The following NR2F1-AS1 variants were observed in gnomAD, a reference collection of about 807,000 sequenced individuals.
NR2F1-AS1 encodes NR2F1 antisense RNA 1.
chr5:93,440,058 T>C (rs1400005086), intron 4 of NR2F1-AS1, among the ~76,000 whole-genome samples: 1 of 152,162 alleles, frequency 6.6e-6, no homozygotes, highest in Non-Finnish European at 1.5e-5. Context: ...AGATAAGTCT[T>C]TGGAAAGTAA....
intron 4 of NR2F1-AS1, among the ~76,000 whole-genome samples, chr5:93,453,319 T>A (rs906856105): frequency 6.6e-5 from 10 of 151,934 alleles, no homozygotes; most frequent in African/African-American, 2.4e-4. Context: ...TGTACGACCA[T>A]ATCATGCAGA....
chr5:93,568,649 C>T (rs1752669296), intron 1 of NR2F1-AS1, among the ~76,000 whole-genome samples: 1 of 152,124 alleles, frequency 6.6e-6, no homozygotes, highest in African/African-American at 2.4e-5. Context: ...ATGCTAACTA[C>T]TCAATTTTTG....
At chr5:93,526,541 CA>C (rs913684315) in intron 4 of NR2F1-AS1, among the ~76,000 whole-genome samples, 1 of 151,930 alleles carries the variant, frequency 6.6e-6, no homozygotes, top group African/African-American at 2.4e-5. Context: ...AGACATAACA[CA>C]AAAAGGAAAA....
At chr5:93,581,934 GTC>G (rs1165830435), upstream of NR2F1-AS1, among the ~76,000 whole-genome samples, 1 of 63,918 alleles carries the variant, frequency 1.6e-5, no homozygotes. Context: ...CTCTCTCTGG[GTC>G]TCTCTCTCTC....
chr5:93,501,190 CT>C (rs1300862683), intron 4 of NR2F1-AS1, among the ~76,000 whole-genome samples: 1 of 151,910 alleles, frequency 6.6e-6, no homozygotes, highest in Admixed American at 6.6e-5. Context: ...AGCAAAAGAA[CT>C]ATAATTAGAA....
chr5:93,454,426 T>A (rs1749902837), intron 4 of NR2F1-AS1, among the ~76,000 whole-genome samples: 1 of 152,206 alleles, frequency 6.6e-6, no homozygotes, highest in Admixed American at 6.5e-5. Context: ...ATATATTTAG[T>A]CTCTGCCCTC....
chr5:93,450,175 A>G (rs556825206), intron 4 of NR2F1-AS1, among the ~76,000 whole-genome samples: 1 of 152,322 alleles, frequency 6.6e-6, no homozygotes, highest in South Asian at 2.1e-4. Flanking sequence ...TGAATGTTTT[A>G]ATATCTGAAT....
chr5:93,574,106 G>A (rs1225977095), intron 1 of NR2F1-AS1, among the ~76,000 whole-genome samples: 1 of 152,222 alleles, frequency 6.6e-6, no homozygotes, highest in African/African-American at 2.4e-5. Context: ...GCTGGTTTGA[G>A]TTTAATTTAT....
At chr5:93,577,494 A>C (rs953594148) in intron 1 of NR2F1-AS1, among the ~76,000 whole-genome samples, 3 of 152,128 alleles carry the variant, frequency 2.0e-5, no homozygotes, top group African/African-American at 7.2e-5. Flanking sequence ...AGGCAGCCAC[A>C]ATATAGGCTG....
chr5:93,507,904 A>G (rs1751220040), intron 4 of NR2F1-AS1, among the ~76,000 whole-genome samples: 1 of 152,162 alleles, frequency 6.6e-6, no homozygotes, highest in Non-Finnish European at 1.5e-5. Flanking sequence ...TACCTAGAAT[A>G]TATCTAACAA....
intron 4 of NR2F1-AS1, among the ~76,000 whole-genome samples, chr5:93,508,598 G>A (rs1200940821): frequency 2.0e-5 from 3 of 152,002 alleles, no homozygotes; most frequent in East Asian, 3.9e-4. Context: ...TAAAGGGAAA[G>A]GCCAAAAATA....
chr5:93,582,896 C>T (rs1274312195), upstream of NR2F1-AS1, among the ~76,000 whole-genome samples: 1 of 152,042 alleles, frequency 6.6e-6, no homozygotes, highest in Non-Finnish European at 1.5e-5. Flanking sequence ...ACACCCCCCT[C>T]CCTCACTTTC....
chr5:93,532,508 C>T (rs1015928610), intron 4 of NR2F1-AS1, among the ~76,000 whole-genome samples: 3 of 152,144 alleles, frequency 2.0e-5, no homozygotes, highest in African/African-American at 7.2e-5. Context: ...TCCAAGACCT[C>T]GGTCTGAAAG....
At chr5:93,449,987 G>A (rs972754976) in intron 4 of NR2F1-AS1, among the ~76,000 whole-genome samples, 2 of 152,144 alleles carry the variant, frequency 1.3e-5, no homozygotes, top group Non-Finnish European at 2.9e-5. Context: ...ATTTCAGTGG[G>A]TAGTTCTGAT....
intron 4 of NR2F1-AS1, among the ~76,000 whole-genome samples, chr5:93,474,021 ATAT>A (rs1456457675): frequency 6.6e-6 from 1 of 152,112 alleles, no homozygotes; most frequent in Non-Finnish European, 1.5e-5. Context: ...AATTAAAACT[ATAT>A]TATTATTACT....
chr5:93,560,368 C>T (rs1459287725), intron 2 of NR2F1-AS1, among the ~76,000 whole-genome samples: 7 of 152,104 alleles, frequency 4.6e-5, no homozygotes, highest in East Asian at 3.8e-4. Context: ...TAGGACTTTC[C>T]GAATTTTAAA....
intron 4 of NR2F1-AS1, among the ~76,000 whole-genome samples, chr5:93,425,458 TAGAGAA>T (rs1487638338): frequency 2.6e-5 from 4 of 152,156 alleles, no homozygotes; most frequent in African/African-American, 7.2e-5. Flanking sequence ...CTAGATTCAG[TAGAGAA>T]AGAGAGACTC....
intron 4 of NR2F1-AS1, among the ~76,000 whole-genome samples, chr5:93,424,749 C>CA (rs199842232): frequency 0.013 from 1,907 of 152,124 alleles, 12 homozygotes; most frequent in Non-Finnish European, 0.019. Context: ...TAATAGGTTT[C>CA]AAAAAACAGA....
At chr5:93,465,372 T>A (rs1403113325) in intron 4 of NR2F1-AS1, among the ~76,000 whole-genome samples, 2 of 152,142 alleles carry the variant, frequency 1.3e-5, no homozygotes, top group East Asian at 3.8e-4. Context: ...AAAACCACAA[T>A]GAGATACCAT....
Sources: allele counts gnomAD v4.1 joint callset (sites outside exome capture counted in the v4.1 genomes callset), GRCh38; gene constraint gnomAD v4.1.1; transcripts MANE v1.5; gene names NCBI Gene and HGNC (gene_info 2026-07-23, HGNC 2026-07-21).